CSMD1: variants seen among roughly 807,000 people sequenced by gnomAD.
CSMD1 encodes the protein CUB and sushi domain-containing protein 1.
Under a neutral mutation model 417.5 loss-of-function variants are expected in CSMD1, and 213 were observed. The ratio of observed to expected loss-of-function variants is 0.51; its 90% CI spans 0.46 to 0.57. CSMD1 has a LOEUF of 0.57. CSMD1 is among the 20% of genes least tolerant of loss of function. CSMD1 has a pLI of 0.00. For synonymous variants in CSMD1, 2,862 were observed against 1,736.8 expected, an observed-to-expected ratio of 1.65 and a Z score of -16.11; for missense variants, 6,923 against 4,529.7, an observed-to-expected ratio of 1.53 and a Z score of -15.17.
At chr8:4,263,350 G>C (rs1804016436) in intron 3 of CSMD1, among the ~76,000 whole-genome samples, 3 of 152,104 alleles carry the variant, frequency 2.0e-5, no homozygotes, top group Admixed American at 2.0e-4. Context: ...TGGAGTTATG[G>C]TGAACAAACT....
At chr8:4,404,333 C>A (rs764313665) in intron 3 of CSMD1, among the ~76,000 whole-genome samples, 35 of 152,126 alleles carry the variant, frequency 2.3e-4, no homozygotes, top group Admixed American at 2.3e-3. Flanking sequence ...GCTTTCTCCA[C>A]TGGAATTAAG....
intron 2 of CSMD1, among the ~76,000 whole-genome samples, chr8:4,436,427 T>C (rs1798152732): frequency 6.6e-6 from 1 of 152,186 alleles, no homozygotes. Context: ...TAGATGTGTG[T>C]ATTTGTGGGG....
intron 26 of CSMD1, among the ~76,000 whole-genome samples, chr8:3,232,478 C>T (rs1798899347): frequency 6.6e-6 from 1 of 152,084 alleles, no homozygotes; most frequent in Non-Finnish European, 1.5e-5. Context: ...CATGATTTTT[C>T]CATCCTCTTC....
chr8:3,106,308 G>C (rs1387495662), intron 46 of CSMD1, among the ~76,000 whole-genome samples: 1 of 152,152 alleles, frequency 6.6e-6, no homozygotes, highest in East Asian at 1.9e-4. Flanking sequence ...GAGGCAGGAG[G>C]ATCACCTGAG....
rs544387121 is a variant in CSMD1, at chr8:4,615,215, C to T, written c.302+22127G>A. Among the ~76,000 whole-genome samples the T allele has an allele frequency of 3.3e-5, 5 of 152,252 alleles. No homozygotes were observed. In the East Asian group the frequency reaches 5.8e-4, roughly 18 times the overall value. On this transcript the variant is annotated intron_variant, in intron 2 of 69. Transcript: ENST00000635120. Reference sequence around the variant, plus strand: ...ATGCAAAGAGAAACAGAAGGAAATACGTGTGTGTACCCATGTGAACACAAC... The same window carrying T: ...ATGCAAAGAGAAACAGAAGGAAATATGTGTGTGTACCCATGTGAACACAAC...
intron 23 of CSMD1, among the ~76,000 whole-genome samples, chr8:3,340,015 A>T (rs944189491): frequency 3.3e-5 from 5 of 152,232 alleles, no homozygotes; most frequent in African/African-American, 1.2e-4. Context: ...CAACGTATTT[A>T]TTCCGATTTG....
chr8:4,356,329 T>TAC (rs3990908), intron 3 of CSMD1, among the ~76,000 whole-genome samples: 70,334 of 150,836 alleles, frequency 0.47, 16,952 homozygotes, highest in East Asian at 0.58. Context: ...TCATATGTAA[T>TAC]ACACACACAC....
intron 1 of CSMD1, among the ~76,000 whole-genome samples, chr8:4,903,633 T>A (rs548124920): frequency 6.6e-6 from 1 of 152,338 alleles, no homozygotes; most frequent in South Asian, 2.1e-4. Context: ...AAACTTGGAT[T>A]AGAAACTCCT....
At chr8:4,790,734 G>A (rs774129031) in intron 1 of CSMD1, among the ~76,000 whole-genome samples, 4 of 152,118 alleles carry the variant, frequency 2.6e-5, no homozygotes, top group African/African-American at 4.8e-5. Context: ...AACCAGGAAA[G>A]GACTCCCCTA....
rs534622804 is a variant in CSMD1 at position 3,403,461 on chromosome 8, G to A, written c.2266+2566C>T. ...GTCATTAGGTTTCTCAACGCAGGTA[G>A]ACTTTTAACATCTTTTCCTATTAAC... On this transcript the variant is annotated intron_variant, in intron 15 of 69. Coordinates refer to ENST00000635120, the MANE Select transcript of CSMD1 (RefSeq NM_033225.6). Among the ~76,000 whole-genome samples the A allele has an allele frequency of 6.9e-4, 105 of 152,344 alleles. 2 individuals are homozygous for A. In the South Asian group the frequency reaches 0.022, roughly 32 times the overall value.
intron 3 of CSMD1, among the ~76,000 whole-genome samples, chr8:4,343,712 G>A (rs1800616479): frequency 6.6e-6 from 1 of 152,066 alleles, no homozygotes; most frequent in South Asian, 2.1e-4. Flanking sequence ...CACCAGGGGA[G>A]CTTCGACTAG....
intron 50 of CSMD1, among the ~76,000 whole-genome samples, chr8:3,048,992 C>T (rs1811641724): frequency 6.6e-6 from 1 of 151,910 alleles, no homozygotes; most frequent in African/African-American, 2.4e-5. Flanking sequence ...TGCTGCACAT[C>T]ATGCATCATC....
intron 5 of CSMD1, among the ~76,000 whole-genome samples, chr8:3,935,730 T>A (rs532984779): frequency 8.7e-4 from 132 of 152,264 alleles, no homozygotes; most frequent in African/African-American, 2.9e-3. Flanking sequence ...ACCTCCTTCA[T>A]TGGGCCTCGC....
intron 3 of CSMD1, among the ~76,000 whole-genome samples, chr8:4,077,306 T>TATATATATGTACATATATATATATGTAC (rs1799880473): frequency 7.2e-6 from 1 of 138,574 alleles, no homozygotes; most frequent in African/African-American, 2.7e-5. Context: ...TGTATATATA[T>TATATATATGTACATATATATATATGTAC]ATATATATAT....
intron 3 of CSMD1, among the ~76,000 whole-genome samples, chr8:4,107,247 C>T (rs1376529592): frequency 2.0e-5 from 3 of 152,188 alleles, no homozygotes; most frequent in African/African-American, 4.8e-5. Context: ...AATGGAAACC[C>T]AGTTCCAGCT....
At chr8:3,430,841 T>C (rs1242542916) in intron 12 of CSMD1, among the ~76,000 whole-genome samples, 3 of 152,176 alleles carry the variant, frequency 2.0e-5, no homozygotes, top group African/African-American at 4.8e-5. Context: ...AGAAGCTCTT[T>C]GTAAATATAT....
rs1799180093 is a variant in CSMD1, at chr8:4,193,832, T to C, written c.416-161733A>G. On this transcript the variant is annotated intron_variant, in intron 3 of 69. Transcript: ENST00000635120. ...AGAAGAGCAGGAAAACAGAATACAG[T>C]TCAGCCGTGTTTCCCATTCATTCTT... Among the ~76,000 whole-genome samples, 2 of 151,836 alleles carry C rather than the reference T, an allele frequency of 1.3e-5. 1 individual carries two copies. The highest frequency in any genetic ancestry group is 4.8e-5 in the African/African-American group (2 of 41,282).
chr8:4,628,287 T>G (rs1802241155), intron 2 of CSMD1, among the ~76,000 whole-genome samples: 1 of 151,238 alleles, frequency 6.6e-6, no homozygotes, highest in Non-Finnish European at 1.5e-5. Context: ...TATTTTAACT[T>G]AATTTGTCAT....
At chr8:3,195,757 T>A (rs1585622388) in intron 33 of CSMD1, among the ~76,000 whole-genome samples, 1 of 152,302 alleles carries the variant, frequency 6.6e-6, no homozygotes, top group African/African-American at 2.4e-5. Flanking sequence ...AAACACTTTC[T>A]GCTTGATGCC....
Sources: allele counts gnomAD v4.1 joint callset (sites outside exome capture counted in the v4.1 genomes callset), GRCh38; gene constraint gnomAD v4.1.1; transcripts MANE v1.5; gene names NCBI Gene and HGNC (gene_info 2026-07-23, HGNC 2026-07-21).